PHF21B: variants seen among roughly 807,000 people sequenced by gnomAD.
PHF21B encodes the protein PHD finger protein 21B, also known as PHD finger protein 4.
Under a neutral mutation model 62.2 loss-of-function variants are expected in PHF21B, and 22 were observed. The observed-to-expected ratio is 0.35, with a 90% CI of 0.25 to 0.51. The LOEUF is 0.51. Among genes scored for constraint, PHF21B ranks in the 20% least tolerant of loss-of-function variants. The pLI, the probability that PHF21B is intolerant of heterozygous loss-of-function variation, is 0.97. For missense variants in PHF21B, 701 were observed against 707.9 expected, an observed-to-expected ratio of 0.99 and a Z score of 0.11; for synonymous variants, 341 against 314.7, an observed-to-expected ratio of 1.08 and a Z score of -0.88.
rs183677991 is a variant in PHF21B at position 44,897,382 on chromosome 22, C to A, written c.832-1299G>T. Reference sequence around the variant, plus strand: ...AATACCACGGGATTAGGTAACATCACAGAGCGAAGAGGTGCCAAAGCCACT... The same window carrying A: ...AATACCACGGGATTAGGTAACATCAAAGAGCGAAGAGGTGCCAAAGCCACT... On this transcript the variant is annotated intron_variant, in intron 5 of 12. Coordinates refer to ENST00000313237, the MANE Select transcript of PHF21B (RefSeq NM_138415.5). Among the ~76,000 whole-genome samples, 15 of 152,234 alleles carry A rather than the reference C, an allele frequency of 9.9e-5. No homozygotes were observed. The East Asian group carries it at 2.9e-3, about 29-fold the overall frequency.
intron 2 of PHF21B, among the ~76,000 whole-genome samples, chr22:44,949,301 C>CAAAAAAAAAAAAAAAAAAA (rs1173438062): frequency 2.4e-5 from 1 of 42,472 alleles, no homozygotes; most frequent in Non-Finnish European, 5.1e-5. Context: ...AACTCCATCT[C>CAAAAAAAAAAAAAAAAAAA]AAAAAAAAGA....
intron 12 of PHF21B, among the ~76,000 whole-genome samples, chr22:44,884,265 A>G (rs1277264101): frequency 7.6e-6 from 1 of 130,860 alleles, no homozygotes; most frequent in Non-Finnish European, 1.6e-5. Flanking sequence ...CATCACTACC[A>G]CCATCACCAC....
intron 2 of PHF21B, among the ~76,000 whole-genome samples, chr22:44,996,090 C>T (rs2073117816): frequency 6.6e-6 from 1 of 152,158 alleles, no homozygotes; most frequent in South Asian, 2.1e-4. Context: ...AAGGAGCCAG[C>T]GGCACAGGGC....
chr22:44,946,328 C>G (rs2072070336), intron 2 of PHF21B, among the ~76,000 whole-genome samples: 1 of 151,840 alleles, frequency 6.6e-6, no homozygotes, highest in African/African-American at 2.4e-5. Context: ...CTGCCCTCTA[C>G]CAGCACCTTC....
chr22:44,938,496 G>A (rs1394135835), intron 2 of PHF21B, among the ~76,000 whole-genome samples: 1 of 152,248 alleles, frequency 6.6e-6, no homozygotes, highest in Non-Finnish European at 1.5e-5. Flanking sequence ...GCCTCCCAAA[G>A]TGCTGGGACT....
In PHF21B at chr22:44,906,827, C is replaced by T. The variant is rs2045028423; in HGVS notation, c.831+6995G>A. On this transcript the variant is annotated intron_variant, in intron 5 of 12. Transcript: ENST00000313237. ...AGAAGGAAGGGGAAGCACAGTCAAC[C>T]GTGAGACTCAGTGGTGATCAGAGTG... Among the ~76,000 whole-genome samples the T allele has an allele frequency of 3.9e-5, 6 of 152,194 alleles. No individual in the cohort carries two copies. The South Asian group carries it at 1.2e-3, about 32-fold the overall frequency.
At chr22:44,965,623 G>A (rs1307169938) in intron 2 of PHF21B, among the ~76,000 whole-genome samples, 8 of 152,024 alleles carry the variant, frequency 5.3e-5, no homozygotes, top group Admixed American at 6.6e-5. Context: ...CGATTCCCCC[G>A]GCCCCCCAGG....
rs536175535 is a variant in PHF21B, at chr22:44,932,746, T to C, written c.121-12256A>G. Among the ~76,000 whole-genome samples, 3 of 152,346 alleles carry C rather than the reference T, an allele frequency of 2.0e-5. No individual in the cohort carries two copies. In the South Asian group the frequency reaches 6.2e-4, roughly 32 times the overall value. On this transcript the variant is annotated intron_variant, in intron 2 of 12. Coordinates refer to ENST00000313237, the MANE Select transcript of PHF21B (RefSeq NM_138415.5). ...TGACGGCCCAGCAGGTGCTCCTCTCTCTGCAGAGGCCTCCTGGAGCTAGCC... is the reference window on the plus strand; with the variant it reads ...TGACGGCCCAGCAGGTGCTCCTCTCCCTGCAGAGGCCTCCTGGAGCTAGCC...
intron 2 of PHF21B, among the ~76,000 whole-genome samples, chr22:44,981,458 T>A (rs544501497): frequency 6.6e-6 from 1 of 152,212 alleles, no homozygotes; most frequent in Non-Finnish European, 1.5e-5. Flanking sequence ...TGTGCTGTCA[T>A]GAACCCAGCA....
chr22:45,007,644 A>G, intron 2 of PHF21B, among the ~76,000 whole-genome samples: 1 of 139,754 alleles, frequency 7.2e-6, no homozygotes, highest in Non-Finnish European at 1.5e-5. Flanking sequence ...CCAGCACGCC[A>G]TTGGCTGCGC....
At chr22:44,916,980 G>A (rs967080024) in intron 3 of PHF21B, among the ~76,000 whole-genome samples, 9 of 152,252 alleles carry the variant, frequency 5.9e-5, no homozygotes, top group African/African-American at 2.2e-4. Context: ...GTCCCAAGCG[G>A]CAAAGCCCCC....
intron 2 of PHF21B, among the ~76,000 whole-genome samples, chr22:44,941,209 G>A (rs1319961877): frequency 6.6e-6 from 1 of 152,162 alleles, no homozygotes; most frequent in African/African-American, 2.4e-5. Context: ...AACACCCAGA[G>A]GAAGATTCCC....
intron 2 of PHF21B, among the ~76,000 whole-genome samples, chr22:44,930,544 C>T (rs1409181952): frequency 1.1e-5 from 1 of 88,704 alleles, no homozygotes; most frequent in Non-Finnish European, 2.1e-5. Flanking sequence ...ACATAGGAGT[C>T]GGGAGGCGGG....
chr22:44,916,849 T>C (rs1272566369), intron 3 of PHF21B, among the ~76,000 whole-genome samples: 1 of 152,192 alleles, frequency 6.6e-6, no homozygotes, highest in Non-Finnish European at 1.5e-5. Flanking sequence ...GAGGGGCTGC[T>C]CTGGACCCAC....
At chr22:44,906,284 G>C (rs2071248439) in intron 5 of PHF21B, among the ~76,000 whole-genome samples, 1 of 152,198 alleles carries the variant, frequency 6.6e-6, no homozygotes, top group South Asian at 2.1e-4. Flanking sequence ...GTTCAAGAGG[G>C]GGAGTGACTT....
At chr22:44,972,717 T>C (rs2072663246) in intron 2 of PHF21B, among the ~76,000 whole-genome samples, 1 of 152,372 alleles carries the variant, frequency 6.6e-6, no homozygotes, top group Non-Finnish European at 1.5e-5. Context: ...ACCTGCTGCA[T>C]GTCCCACCCA....
intron 2 of PHF21B, among the ~76,000 whole-genome samples, chr22:44,930,927 G>C (rs1465702863): frequency 6.6e-6 from 1 of 152,226 alleles, no homozygotes; most frequent in Non-Finnish European, 1.5e-5. Context: ...CTCTCTCCCA[G>C]GGTGCTGGTG....
chr22:45,009,000 G>C, intron 1 of PHF21B: 2 of 1,103,842 alleles, frequency 1.8e-6, no homozygotes, highest in South Asian at 4.4e-5. Flanking sequence ...AAATATTCAA[G>C]TCGCGTCCTA....
At chr22:44,966,516 G>C (rs1387392116) in intron 2 of PHF21B, among the ~76,000 whole-genome samples, 1 of 152,102 alleles carries the variant, frequency 6.6e-6, no homozygotes, top group Admixed American at 6.5e-5. Flanking sequence ...AAGAGACCAA[G>C]CCCCTGTCCC....
Sources: gnomAD v4.1 joint callset for allele counts (sites outside exome capture counted in the v4.1 genomes callset) on GRCh38, gnomAD v4.1.1 for gene constraint, MANE v1.5 for transcripts, NCBI Gene and HGNC (gene_info 2026-07-23, HGNC 2026-07-21) for gene names.